The following LRRC4C variants were observed in gnomAD, a reference collection of about 807,000 sequenced individuals.
LRRC4C encodes leucine-rich repeat-containing protein 4C.
LRRC4C carries 5 observed loss-of-function variants against 33.6 expected under a neutral mutation model. The ratio of observed to expected loss-of-function variants is 0.15; its 90% CI spans 0.08 to 0.31. The LOEUF is 0.31. Ranked by LOEUF, LRRC4C falls within the 10% of genes least tolerant of loss-of-function variation. The probability of loss-of-function intolerance (pLI) is 1.00; values close to 1 mark genes in which losing one functional copy is unlikely to be tolerated. For missense variants in LRRC4C, 560 were observed against 796.7 expected, an observed-to-expected ratio of 0.70 and a Z score of 3.58; for synonymous variants, 329 against 302.0, an observed-to-expected ratio of 1.09 and a Z score of -0.93.
intron 4 of LRRC4C, among the ~76,000 whole-genome samples, chr11:40,281,137 C>G (rs1302232034): frequency 6.6e-6 from 1 of 152,178 alleles, no homozygotes; most frequent in Non-Finnish European, 1.5e-5. Flanking sequence ...CTGCTGGAAA[C>G]TATTGCCATG....
intron 5 of LRRC4C, among the ~76,000 whole-genome samples, chr11:40,173,060 T>C (rs539133511): frequency 4.1e-4 from 62 of 152,270 alleles, no homozygotes; most frequent in African/African-American, 1.5e-3. Context: ...GGCCAAGGAC[T>C]GCCATCAAAT....
At chr11:40,710,495 CCT>C (rs60585878) in intron 2 of LRRC4C, among the ~76,000 whole-genome samples, 22,579 of 152,132 alleles carry the variant, frequency 0.15, 1,739 homozygotes, top group South Asian at 0.17. Flanking sequence ...CACTCCAGCC[CCT>C]GTTTGCCTGG....
At chr11:41,226,651 C>T (rs533788687) in intron 1 of LRRC4C, among the ~76,000 whole-genome samples, 50 of 151,622 alleles carry the variant, frequency 3.3e-4, no homozygotes, top group African/African-American at 1.2e-3. Context: ...AGACCTTGAT[C>T]CATCAGTGCT....
intron 3 of LRRC4C, among the ~76,000 whole-genome samples, chr11:40,477,548 A>G (rs1018132682): frequency 6.6e-6 from 1 of 152,134 alleles, no homozygotes; most frequent in Non-Finnish European, 1.5e-5. Context: ...TCCCTTCTAA[A>G]AAAAAAAGTC....
At chr11:40,653,573 A>G (rs865862288) in intron 2 of LRRC4C, among the ~76,000 whole-genome samples, 1 of 152,212 alleles carries the variant, frequency 6.6e-6, no homozygotes, top group South Asian at 2.1e-4. Flanking sequence ...CTTAGAAGCT[A>G]TTCAGTTTTA....
At chr11:41,160,433 G>A (rs1454242716) in intron 1 of LRRC4C, among the ~76,000 whole-genome samples, 1 of 150,846 alleles carries the variant, frequency 6.6e-6, no homozygotes, top group Non-Finnish European at 1.5e-5. Context: ...TAAGATTATT[G>A]TGTACATTTT....
intron 1 of LRRC4C, among the ~76,000 whole-genome samples, chr11:41,224,101 T>C (rs1947422207): frequency 6.6e-6 from 1 of 152,184 alleles, no homozygotes; most frequent in African/African-American, 2.4e-5. Flanking sequence ...ATCAATACTT[T>C]TGTGACTTAA....
intron 1 of LRRC4C, among the ~76,000 whole-genome samples, chr11:41,341,116 T>C (rs1401111799): frequency 2.6e-5 from 4 of 151,396 alleles, no homozygotes; most frequent in Non-Finnish European, 4.4e-5. Context: ...GATGTTGTCC[T>C]GTAACAAGGA....
At chr11:41,051,555 G>GAAAAAAAAAAAAAAAAAAAAAAAAAAA (rs1565337349) in intron 1 of LRRC4C, among the ~76,000 whole-genome samples, 4 of 82,764 alleles carry the variant, frequency 4.8e-5, no homozygotes, top group Admixed American at 3.0e-4. Context: ...AAAAAAAAAG[G>GAAAAAAAAAAAAAAAAAAAAAAAAAAA]AAAAATTAGT....
At chr11:40,118,941 G>A (rs1460282523) in intron 6 of LRRC4C, among the ~76,000 whole-genome samples, 1 of 152,180 alleles carries the variant, frequency 6.6e-6, no homozygotes, top group African/African-American at 2.4e-5. Flanking sequence ...CAATTAGGAA[G>A]ACCTTCCTGT....
At chr11:40,482,130 C>A (rs909497482) in intron 3 of LRRC4C, among the ~76,000 whole-genome samples, 8 of 152,114 alleles carry the variant, frequency 5.3e-5, no homozygotes, top group African/African-American at 1.9e-4. Context: ...TCATATAGAT[C>A]TTTGACTCAA....
chr11:40,460,006 CA>C (rs1952317715), intron 3 of LRRC4C, among the ~76,000 whole-genome samples: 1 of 152,110 alleles, frequency 6.6e-6, no homozygotes, highest in South Asian at 2.1e-4. Context: ...AGCAACAATG[CA>C]ATTTTTCAGG....
At chr11:40,645,059 C>T (rs773453341) in intron 3 of LRRC4C, among the ~76,000 whole-genome samples, 13 of 151,908 alleles carry the variant, frequency 8.6e-5, no homozygotes, top group Non-Finnish European at 1.9e-4. Context: ...CTCTACTGCA[C>T]GGCAATCATA....
intron 1 of LRRC4C, among the ~76,000 whole-genome samples, chr11:40,950,249 T>C (rs1183110019): frequency 6.6e-6 from 1 of 151,982 alleles, no homozygotes; most frequent in East Asian, 1.9e-4. Flanking sequence ...TGTTTTTTTC[T>C]TTTTTCTACA....
intron 2 of LRRC4C, among the ~76,000 whole-genome samples, chr11:40,875,929 G>T (rs1233023379): frequency 6.6e-6 from 1 of 152,074 alleles, no homozygotes; most frequent in African/African-American, 2.4e-5. Context: ...CCCATCTAGG[G>T]GCGGTGGCAG....
At chr11:40,487,954 G>C (rs748702889) in intron 3 of LRRC4C, among the ~76,000 whole-genome samples, 6 of 152,008 alleles carry the variant, frequency 3.9e-5, no homozygotes, top group Non-Finnish European at 7.4e-5. Context: ...TCACAACATG[G>C]TAAGATGTGT....
chr11:40,147,007 TCTC>T (rs1383422181), intron 5 of LRRC4C, among the ~76,000 whole-genome samples: 10 of 152,184 alleles, frequency 6.6e-5, no homozygotes, highest in Non-Finnish European at 7.4e-5. Context: ...AAGGACCTAG[TCTC>T]CTAGATTTAA....
chr11:40,696,425 A>C (rs1945536101), intron 2 of LRRC4C, among the ~76,000 whole-genome samples: 1 of 147,690 alleles, frequency 6.8e-6, no homozygotes, highest in South Asian at 2.1e-4. Flanking sequence ...TATATGCTGG[A>C]GGTTATATAT....
At chr11:40,459,736 G>C (rs1952303714) in intron 3 of LRRC4C, among the ~76,000 whole-genome samples, 1 of 152,092 alleles carries the variant, frequency 6.6e-6, no homozygotes, top group South Asian at 2.1e-4. Context: ...GTCTGAATTT[G>C]GGGAGAATCT....
Sources: gnomAD v4.1 joint callset for allele counts (sites outside exome capture counted in the v4.1 genomes callset) on GRCh38, gnomAD v4.1.1 for gene constraint, MANE v1.5 for transcripts, NCBI Gene and HGNC (gene_info 2026-07-23, HGNC 2026-07-21) for gene names.